Variants in SV2C observed in about 807,000 individuals in gnomAD.
SV2C encodes the protein synaptic vesicle glycoprotein 2C.
Under a neutral mutation model 79.7 loss-of-function variants are expected in SV2C, and 49 were observed. The ratio of observed to expected loss-of-function variants is 0.61; its 90% CI spans 0.49 to 0.78. SV2C has a LOEUF of 0.78. SV2C is among the 30% of genes least tolerant of loss of function. The probability of loss-of-function intolerance (pLI) is 0.00; values close to 1 mark genes in which losing one functional copy is unlikely to be tolerated. For synonymous variants in SV2C, 334 were observed against 333.2 expected (o/e 1.00, Z -0.03); for missense variants, 833 against 912.9 (o/e 0.91, Z 1.13).
the SV2C span, among the ~76,000 whole-genome samples, chr5:75,916,600 G>A: frequency 1.3e-5 from 2 of 151,910 alleles, no homozygotes; most frequent in African/African-American, 4.8e-5. Context: ...CTCAGCCTCC[G>A]AGTAGCTGGG....
At position 76,121,762 on chromosome 5, in the gene SV2C, G is replaced by A. The variant is rs530760843; in HGVS notation, c.-101-9888G>A. 3.0e-3 allele frequency among the ~76,000 whole-genome samples: 463 copies of A among 151,888 alleles called. 1 individual carries two copies. Among genetic ancestry groups the A allele is most frequent in the Middle Eastern group, 6.8e-3 (2 of 294 alleles). On this transcript the variant is annotated intron_variant, in intron 1 of 12. Transcript: ENST00000502798. ...TTGGTACCAGTACCATGCTGTTTTG[G>A]TTTCTGTAGCCTTGTAGTATAGTTT... is the stretch of plus-strand genomic sequence containing the variant.
intron 12 of SV2C, among the ~76,000 whole-genome samples, chr5:76,324,638 G>C (rs1213563433): frequency 6.6e-6 from 1 of 151,874 alleles, no homozygotes; most frequent in Non-Finnish European, 1.5e-5. Context: ...AAGCCCAGGA[G>C]TTTGAGACCA....
chr5:76,100,047 A>G (rs891780221), intron 1 of SV2C, among the ~76,000 whole-genome samples: 5 of 152,206 alleles, frequency 3.3e-5, no homozygotes. Context: ...GTAAGCATTT[A>G]TTGTATCAAT....
chr5:76,295,290 T>A (rs1288229991), intron 8 of SV2C, among the ~76,000 whole-genome samples: 1 of 152,092 alleles, frequency 6.6e-6, no homozygotes, highest in Non-Finnish European at 1.5e-5. Flanking sequence ...GTGTCCTCAG[T>A]GGTAGAAGGG....
At chr5:76,238,901 T>C (rs1745697782) in intron 4 of SV2C, among the ~76,000 whole-genome samples, 1 of 152,154 alleles carries the variant, frequency 6.6e-6, no homozygotes, top group Non-Finnish European at 1.5e-5. Context: ...GTCCAGACTA[T>C]TGCAACATGA....
chr5:76,317,656 C>A (rs1394848153), intron 12 of SV2C, among the ~76,000 whole-genome samples: 1 of 152,058 alleles, frequency 6.6e-6, no homozygotes, highest in Non-Finnish European at 1.5e-5. Context: ...ATAGTGGGTA[C>A]CCCATCTCTA....
At chr5:75,853,796 A>G in the SV2C span, among the ~76,000 whole-genome samples, 4 of 151,730 alleles carry the variant, frequency 2.6e-5, no homozygotes, top group African/African-American at 9.7e-5. Context: ...TTCTTTTCCT[A>G]AATTTTGTAA....
At chr5:75,952,468 G>A in the SV2C span, among the ~76,000 whole-genome samples, 1 of 151,750 alleles carries the variant, frequency 6.6e-6, no homozygotes, top group African/African-American at 2.4e-5. Flanking sequence ...CCAAATCTCA[G>A]GTTGAAATGT....
the SV2C span, among the ~76,000 whole-genome samples, chr5:76,017,476 T>C: frequency 6.6e-6 from 1 of 152,058 alleles, no homozygotes; most frequent in Admixed American, 6.6e-5. Context: ...TTAGTAGAGA[T>C]GGGGTTTCAC....
At chr5:76,270,317 T>G (rs1209437212) in intron 4 of SV2C, among the ~76,000 whole-genome samples, 1 of 152,176 alleles carries the variant, frequency 6.6e-6, no homozygotes, top group Non-Finnish European at 1.5e-5. Flanking sequence ...GTGGGGGAAG[T>G]ACTAGGTTTG....
chr5:76,275,327 A>G lies in SV2C; in HGVS notation c.914-9835A>G, dbSNP rs560829467. On this transcript the variant is annotated intron_variant, in intron 4 of 12. Transcript: ENST00000502798. ...ACGGTGAAACCCCATCTCTACTAAAAATACAAAAAATTAGCTGGGCATGGT... is the reference window on the plus strand; with the variant it reads ...ACGGTGAAACCCCATCTCTACTAAAGATACAAAAAATTAGCTGGGCATGGT... Among the ~76,000 whole-genome samples, 7 of 152,192 alleles carry G rather than the reference A, an allele frequency of 4.6e-5. No individual in the cohort carries two copies. In the East Asian group the frequency reaches 1.4e-3, roughly 29 times the overall value.
At chr5:75,949,329 T>A in the SV2C span, among the ~76,000 whole-genome samples, 1 of 152,028 alleles carries the variant, frequency 6.6e-6, no homozygotes, top group Admixed American at 6.6e-5. Context: ...GTACACTGAC[T>A]TAGGGACCCA....
chr5:76,047,766 C>CTTTTTT, the SV2C span, among the ~76,000 whole-genome samples: 11 of 129,240 alleles, frequency 8.5e-5, no homozygotes, highest in Non-Finnish European at 1.6e-4. Context: ...TTTTTCTTTT[C>CTTTTTT]TTTTTTTTTT....
chr5:76,110,710 T>C (rs556229686), intron 1 of SV2C, among the ~76,000 whole-genome samples: 4 of 152,358 alleles, frequency 2.6e-5, no homozygotes, highest in African/African-American at 9.6e-5. Context: ...AGCTCTGTTG[T>C]TCGCAATTTG....
chr5:76,033,999 T>C, the SV2C span, among the ~76,000 whole-genome samples: 3 of 152,122 alleles, frequency 2.0e-5, no homozygotes, highest in Admixed American at 2.0e-4. Context: ...TATCTTATTT[T>C]CTTTGAAGCA....
At chr5:75,962,597 A>T in the SV2C span, among the ~76,000 whole-genome samples, 2 of 152,138 alleles carry the variant, frequency 1.3e-5, no homozygotes, top group Non-Finnish European at 2.9e-5. Flanking sequence ...CCACTGGTTT[A>T]CATCATCCAG....
chr5:76,102,733 G>A (rs113699814), intron 1 of SV2C, among the ~76,000 whole-genome samples: 107 of 152,268 alleles, frequency 7.0e-4, no homozygotes, highest in African/African-American at 2.4e-3. Flanking sequence ...CCATGTGAGA[G>A]CCTTATAAAG....
At chr5:76,288,788 A>G (rs1338540082) in intron 6 of SV2C, among the ~76,000 whole-genome samples, 1 of 152,202 alleles carries the variant, frequency 6.6e-6, no homozygotes, top group East Asian at 1.9e-4. Flanking sequence ...AAGTTGTTAC[A>G]TGATTCTGCC....
intron 4 of SV2C, among the ~76,000 whole-genome samples, chr5:76,261,999 G>A (rs1746485898): frequency 6.6e-6 from 1 of 152,134 alleles, no homozygotes; most frequent in Non-Finnish European, 1.5e-5. Context: ...TTATTGTTTG[G>A]AATAGTTTCA....
Sources: allele counts gnomAD v4.1 joint callset (sites outside exome capture counted in the v4.1 genomes callset), GRCh38; gene constraint gnomAD v4.1.1; transcripts MANE v1.5; gene names NCBI Gene and HGNC (gene_info 2026-07-23, HGNC 2026-07-21).